The following KCNH7 variants were observed in gnomAD, a reference collection of about 807,000 sequenced individuals.
KCNH7 encodes voltage-gated inwardly rectifying potassium channel KCNH7.
KCNH7 carries 49 observed loss-of-function variants against 120.8 expected under a neutral mutation model. The observed-to-expected ratio is 0.41, with a 90% CI of 0.32 to 0.51. The LOEUF (loss-of-function observed/expected upper bound fraction) is 0.51, where lower values mean the gene tolerates loss of function less well. KCNH7 is among the 20% of genes least tolerant of loss of function. The pLI is 0.38. For synonymous variants in KCNH7, 547 were observed against 516.1 expected (o/e 1.06, Z -0.81); for missense variants, 1,097 against 1,446.6 (o/e 0.76, Z 3.92).
At chr2:162,628,436 G>A (rs1559052704) in intron 2 of KCNH7, among the ~76,000 whole-genome samples, 1 of 152,068 alleles carries the variant, frequency 6.6e-6, no homozygotes, top group Non-Finnish European at 1.5e-5. Context: ...CTCTCCTTGA[G>A]AAATCTTTTC....
chr2:162,700,051 A>C (rs1370256968), intron 2 of KCNH7, among the ~76,000 whole-genome samples: 2 of 152,168 alleles, frequency 1.3e-5, no homozygotes, highest in Non-Finnish European at 2.9e-5. Context: ...CCTCTGTAGC[A>C]CGATTCCAGA....
At chr2:162,525,611 C>T (rs2105801476) in intron 3 of KCNH7, among the ~76,000 whole-genome samples, 1 of 152,062 alleles carries the variant, frequency 6.6e-6, no homozygotes. Context: ...AATACCCATA[C>T]TTTCTTTTTG....
intron 2 of KCNH7, among the ~76,000 whole-genome samples, chr2:162,605,130 T>C (rs185626206): frequency 5.6e-4 from 85 of 152,220 alleles, no homozygotes; most frequent in African/African-American, 2.0e-3. Flanking sequence ...ACTCTTACAT[T>C]AACCTGAAAT....
At chr2:162,697,159 T>C (rs1399402845) in intron 2 of KCNH7, among the ~76,000 whole-genome samples, 6 of 152,114 alleles carry the variant, frequency 3.9e-5, no homozygotes, top group Admixed American at 1.3e-4. Context: ...AGAGGTAATG[T>C]AATATTATAT....
chr2:162,417,196 T>C (rs548755859), intron 9 of KCNH7, among the ~76,000 whole-genome samples: 26 of 152,292 alleles, frequency 1.7e-4, no homozygotes, highest in African/African-American at 6.3e-4. Context: ...GAAAAAAATA[T>C]TGTGGATGCT....
At chr2:162,421,823 G>A (rs1573938007) in intron 9 of KCNH7, among the ~76,000 whole-genome samples, 2 of 152,076 alleles carry the variant, frequency 1.3e-5, no homozygotes, top group African/African-American at 2.4e-5. Context: ...TTACATGGAG[G>A]GGGGTAAAAT....
chr2:162,394,379 A>C lies in KCNH7; in HGVS notation c.2710+10T>G. 1.4e-6 allele frequency: 2 copies of C among 1,441,524 alleles called. No individual in the cohort carries two copies. The highest frequency in any genetic ancestry group is 2.0e-6 in the Non-Finnish European group (2 of 1,024,296). 89.3% of individuals were successfully genotyped at this position (1,441,524 alleles called of 1,614,324 possible). On this transcript the variant is annotated intron_variant, in intron 12 of 15. Coordinates refer to ENST00000332142, the MANE Select transcript of KCNH7 (RefSeq NM_033272.4). ...CTCTACATTTAAACTTTAGGAATGG[A>C]ATGAATTACCTTTCTCTCCTTCACT...
intron 6 of KCNH7, among the ~76,000 whole-genome samples, chr2:162,470,753 G>A (rs777690497): frequency 1.4e-4 from 22 of 152,220 alleles, no homozygotes; most frequent in Non-Finnish European, 2.6e-4. Context: ...TGTACCCAAC[G>A]GCTCATTGAG....
At chr2:162,524,699 G>A (rs1433416474) in intron 3 of KCNH7, among the ~76,000 whole-genome samples, 3 of 151,920 alleles carry the variant, frequency 2.0e-5, no homozygotes, top group African/African-American at 4.8e-5. Context: ...AGAGAAACAC[G>A]ACTTTTACTC....
intron 2 of KCNH7, among the ~76,000 whole-genome samples, chr2:162,740,724 T>C (rs1303933411): frequency 1.3e-5 from 2 of 152,192 alleles, no homozygotes; most frequent in Admixed American, 6.5e-5. Flanking sequence ...CCTTCCACTC[T>C]ACATCAGGGA....
chr2:162,506,596 T>G lies in KCNH7; in HGVS notation c.914-1939A>C, dbSNP rs574160926. The stretch of plus-strand genomic sequence containing the variant: ...ATAGTTAAATTGTATTCAAAGCCCT[T>G]AAGCTCATCTTTCCACTCTCTTTTT... On this transcript the variant is annotated intron_variant, in intron 5 of 15. Transcript: ENST00000332142. 1.5e-3 allele frequency among the ~76,000 whole-genome samples: 221 copies of G among 151,928 alleles called. 1 individual carries two copies. The highest frequency in any genetic ancestry group is 4.5e-3 in the African/African-American group (185 of 41,542).
intron 2 of KCNH7, among the ~76,000 whole-genome samples, chr2:162,835,742 G>T (rs1335729156): frequency 6.6e-6 from 1 of 151,830 alleles, no homozygotes; most frequent in East Asian, 1.9e-4. Flanking sequence ...TGTATTTAAG[G>T]CATGCCTATC....
intron 2 of KCNH7, among the ~76,000 whole-genome samples, chr2:162,555,788 G>A (rs1304144137): frequency 6.6e-6 from 1 of 151,928 alleles, no homozygotes; most frequent in Non-Finnish European, 1.5e-5. Context: ...TAAAGATTTA[G>A]AATCAGTAAA....
intron 6 of KCNH7, among the ~76,000 whole-genome samples, chr2:162,469,831 C>A (rs528886442): frequency 6.6e-6 from 1 of 152,146 alleles, no homozygotes; most frequent in African/African-American, 2.4e-5. Context: ...CTCAGCCTAC[C>A]GAGTGCCTGC....
intron 8 of KCNH7, among the ~76,000 whole-genome samples, chr2:162,434,722 TAC>T (rs1024137083): frequency 2.7e-5 from 4 of 149,392 alleles, no homozygotes; most frequent in Admixed American, 6.7e-5. Flanking sequence ...TATATATATA[TAC>T]ACATACATAC....
chr2:162,433,255 T>G (rs961626949), intron 8 of KCNH7, among the ~76,000 whole-genome samples: 1 of 152,112 alleles, frequency 6.6e-6, no homozygotes, highest in Non-Finnish European at 1.5e-5. Context: ...CCAATGTCAT[T>G]TTCCACAGAA....
chr2:162,769,822 A>G (rs1288426908), intron 2 of KCNH7, among the ~76,000 whole-genome samples: 1 of 152,140 alleles, frequency 6.6e-6, no homozygotes, highest in African/African-American at 2.4e-5. Flanking sequence ...TGCAGGTTGA[A>G]CAGTCAAATT....
intron 2 of KCNH7, among the ~76,000 whole-genome samples, chr2:162,573,519 T>G (rs974655360): frequency 6.6e-6 from 1 of 152,010 alleles, no homozygotes; most frequent in Non-Finnish European, 1.5e-5. Flanking sequence ...TGCTTGGAAA[T>G]TTACAAAGAG....
At chr2:162,817,181 C>T (rs1027236858) in intron 2 of KCNH7, among the ~76,000 whole-genome samples, 1 of 152,098 alleles carries the variant, frequency 6.6e-6, no homozygotes, top group Non-Finnish European at 1.5e-5. Context: ...TAGAATATGC[C>T]TTCATTCCCC....
Sources: allele counts gnomAD v4.1 joint callset (sites outside exome capture counted in the v4.1 genomes callset), GRCh38; gene constraint gnomAD v4.1.1; transcripts MANE v1.5; gene names NCBI Gene and HGNC (gene_info 2026-07-23, HGNC 2026-07-21).